The following NCOR1 variants were observed in gnomAD, a reference collection of about 807,000 sequenced individuals.
NCOR1 encodes nuclear receptor corepressor 1.
Under a neutral mutation model 288.1 loss-of-function variants are expected in NCOR1, and 63 were observed. The observed-to-expected ratio is 0.22, with a 90% CI of 0.18 to 0.27. NCOR1 has a LOEUF of 0.27. Ranked by LOEUF, NCOR1 falls within the 10% of genes least tolerant of loss-of-function variation. NCOR1 has a pLI of 1.00. For missense variants in NCOR1, 2,397 were observed against 3,019.2 expected, an observed-to-expected ratio of 0.79 and a Z score of 4.83; for synonymous variants, 1,007 against 1,065.9, an observed-to-expected ratio of 0.94 and a Z score of 1.08.
At chr17:16,161,806 T>C (rs549416277) in intron 5 of NCOR1, among the ~76,000 whole-genome samples, 1 of 152,280 alleles carries the variant, frequency 6.6e-6, no homozygotes, top group African/African-American at 2.4e-5. Context: ...CTCTGGTACA[T>C]TTCATAATAA....
chr17:16,183,970 C>A (rs1423562750), intron 3 of NCOR1, among the ~76,000 whole-genome samples: 1 of 152,084 alleles, frequency 6.6e-6, no homozygotes, highest in Non-Finnish European at 1.5e-5. Flanking sequence ...GGAACCACAG[C>A]AACACAGTGG....
intron 10 of NCOR1, 143 bp downstream of exon 10, chr17:16,146,233 A>C (rs2077981600): frequency 1.5e-6 from 1 of 666,786 alleles, no homozygotes; most frequent in Non-Finnish European, 2.4e-6. Flanking sequence ...CCTTCCCTCC[A>C]CTATTGTCCT....
chr17:16,047,169 A>G, intron 41 of NCOR1, 76 bp from the exon 42 acceptor site: 1 of 1,435,974 alleles, frequency 7.0e-7, no homozygotes, highest in Non-Finnish European at 9.4e-7. Context: ...TGATAACAAC[A>G]GTCAGAGAGT....
chr17:16,133,912 C>T (rs2076019800), intron 14 of NCOR1, among the ~76,000 whole-genome samples: 1 of 152,186 alleles, frequency 6.6e-6, no homozygotes, highest in African/African-American at 2.4e-5. Flanking sequence ...AAAGTACATC[C>T]AGAAACTAAT....
At position 16,193,927 on chromosome 17, in the gene NCOR1, A is replaced by T. The variant is rs372645935; in HGVS notation, c.108+535T>A. On this transcript the variant is annotated intron_variant, in intron 2 of 45. Transcript: ENST00000268712. ...TTTCTTTAAACCTCTTACACCCATA[A>T]CCTTGGTCTACTCTGATATGATTAT... Among the ~76,000 whole-genome samples, 862 of 151,502 alleles carry T rather than the reference A, an allele frequency of 5.7e-3. 12 individuals carry two copies. The highest frequency in any genetic ancestry group is 0.04 in the East Asian group (202 of 5,080).
At chr17:16,040,559 C>CA in intron 42 of NCOR1, 65 bp from the exon 43 acceptor site, 1 of 1,296,480 alleles carries the variant, frequency 7.7e-7, no homozygotes, top group Non-Finnish European at 1.1e-6. Flanking sequence ...ACTAAAGTCT[C>CA]AAAAAATTCC....
intron 45 of NCOR1, among the ~76,000 whole-genome samples, chr17:16,032,895 G>C (rs1337147334): frequency 6.6e-6 from 1 of 152,222 alleles, no homozygotes; most frequent in African/African-American, 2.4e-5. Context: ...AACGTCTGCA[G>C]ACTGAGGGGC....
intron 21 of NCOR1, among the ~76,000 whole-genome samples, chr17:16,095,457 G>GC (rs1320236855): frequency 7.2e-6 from 1 of 139,602 alleles, no homozygotes. Context: ...TCAGCCCCCC[G>GC]CCCGGCCAGC....
At chr17:16,200,786 G>C (rs1189808689) in intron 1 of NCOR1, among the ~76,000 whole-genome samples, 2 of 151,646 alleles carry the variant, frequency 1.3e-5, no homozygotes, top group African/African-American at 4.9e-5. Flanking sequence ...TTCCCACAAA[G>C]CTGTCCAGCT....
intron 3 of NCOR1, among the ~76,000 whole-genome samples, chr17:16,180,152 T>C (rs1031811385): frequency 1.3e-5 from 2 of 151,884 alleles, no homozygotes; most frequent in African/African-American, 2.4e-5. Flanking sequence ...AAAGAAAACA[T>C]AAAAATGGCC....
intron 21 of NCOR1, among the ~76,000 whole-genome samples, chr17:16,094,690 G>C (rs911752310): frequency 4.6e-5 from 7 of 152,074 alleles, no homozygotes; most frequent in East Asian, 1.9e-4. Context: ...TCAGCCTGCC[G>C]AGTGCCTGCG....
chr17:16,144,644 CT>C (rs1265682253), intron 10 of NCOR1, among the ~76,000 whole-genome samples: 6 of 152,094 alleles, frequency 3.9e-5, no homozygotes, highest in Non-Finnish European at 5.9e-5. Context: ...GTTGTTCCCC[CT>C]ATGTGTCCAC....
In NCOR1 at chr17:16,119,463, G is replaced by T; in HGVS notation, c.1875C>A (p.Thr625=). The stretch of plus-strand genomic sequence containing the variant: ...CCATTTCTTCTTCTGTCCATCGAGA[G>T]GTCTCCACAGGCTCTGTAGAAACTA... ...PEPISTEPVE[T]SRWTEEEMEV... Residue 625 remains threonine (T), a synonymous_variant, in exon 17 of 46, where the codon ACC becomes ACA. Transcript: ENST00000268712. The T allele has an allele frequency of 6.2e-7, 1 of 1,609,834 alleles. No individual in the cohort carries two copies. Among genetic ancestry groups the T allele is most frequent in the Non-Finnish European group, 8.5e-7 (1 of 1,177,762 alleles).
At chr17:16,189,214 C>T (rs961558344) in intron 2 of NCOR1, among the ~76,000 whole-genome samples, 4 of 151,622 alleles carry the variant, frequency 2.6e-5, no homozygotes, top group East Asian at 3.9e-4. Flanking sequence ...GCCAACTTGG[C>T]GAAACCCCGT....
chr17:16,203,757 C>T (rs1240126106), intron 1 of NCOR1, among the ~76,000 whole-genome samples: 4 of 152,078 alleles, frequency 2.6e-5, no homozygotes, highest in African/African-American at 4.8e-5. Context: ...AAGAAATATA[C>T]GAATATACGA....
At chr17:16,061,302 G>T in intron 37 of NCOR1, 99 bp downstream of exon 37, 1 of 1,402,834 alleles carries the variant, frequency 7.1e-7, no homozygotes, top group Non-Finnish European at 9.6e-7. Context: ...ACTATCAACC[G>T]TTAGGATTTT....
In NCOR1 at chr17:16,156,442, AAAAAG is replaced by A. The variant is rs1239292325; in HGVS notation, c.732+2313_732+2317del. On this transcript the variant is annotated intron_variant, in intron 6 of 45. Transcript: ENST00000268712. ...CGAAGCAAAACTCTGTCTCGAAAAA[AAAAAG>A]AAAAGAAAAGAAGGAAAGCGAAAAA... 2.6e-4 allele frequency among the ~76,000 whole-genome samples: 39 copies of A among 148,302 alleles called. 1 individual carries two copies. Among genetic ancestry groups the A allele is most frequent in the African/African-American group, 8.3e-4 (32 of 38,374 alleles).
chr17:16,133,478 G>C (rs2075961954), intron 14 of NCOR1, among the ~76,000 whole-genome samples: 1 of 152,200 alleles, frequency 6.6e-6, no homozygotes. Flanking sequence ...ACATAGCAGA[G>C]AAGTAAAGTG....
At chr17:16,151,533 G>A (rs1353652496) in intron 8 of NCOR1, 34 of 1,232,934 alleles carry the variant, frequency 2.8e-5, no homozygotes, top group Non-Finnish European at 3.6e-5. Context: ...GGCAGATGTG[G>A]CTTGGTGGGG....
Sources: gnomAD v4.1 joint callset for allele counts (sites outside exome capture counted in the v4.1 genomes callset) on GRCh38, gnomAD v4.1.1 for gene constraint, MANE v1.5 for transcripts, NCBI Gene and HGNC (gene_info 2026-07-23, HGNC 2026-07-21) for gene names.